FGG: variants seen among roughly 807,000 people sequenced by gnomAD.
FGG encodes the protein fibrinogen gamma chain.
A neutral mutation model predicts 51.7 loss-of-function variants in FGG; 20 were observed. That is an observed-to-expected ratio of 0.39 (90% CI 0.27 to 0.56). FGG has a LOEUF of 0.56. Among genes scored for constraint, FGG ranks in the 20% least tolerant of loss-of-function variants. The pLI is 0.64. For synonymous variants in FGG, 184 were observed against 184.7 expected (o/e 1.00, Z 0.03); for missense variants, 460 against 534.2 (o/e 0.86, Z 1.37).
Position 154,612,523 on chromosome 4 carries a change from C to T in FGG, c.78+9G>A, listed in dbSNP as rs2066857. ...ATTTTAAACAACGTTTTGTGAAGAG[C>T]ACACTTACTGCTACACATGTTGAAG... is the stretch of plus-strand genomic sequence containing the variant. On this transcript the variant is annotated intron_variant, in intron 1 of 8. Transcript: ENST00000336098. 5.0e-3 allele frequency: 8,097 copies of T among 1,613,796 alleles called. 29 individuals are homozygous for T. The highest frequency in any genetic ancestry group is 6.2e-3 in the Non-Finnish European group (7,282 of 1,179,704).
Position 154,612,156 on chromosome 4 carries a change from T to C in FGG, c.169A>G (p.Thr57Ala). The change falls in exon 3 of 9, where the codon ACT becomes GCT. Residue 57 changes from threonine to alanine, a missense_variant. Around this residue, in one of 3 missense-constraint regions of FGG, gnomAD observed 353 missense variants for 391.7 expected, o/e 0.90. Transcript: ENST00000336098. ...TCCTTGTCTACTTTGGTTTGATAAG[T>C]AGACAGGAAATCTGCAATGCCACAG... The part of the protein sequence containing the change: ...TTCGIADFLS[T>A]YQTKVDKDLQ... The C allele has an allele frequency of 6.2e-7, 1 of 1,611,584 alleles. No homozygotes were observed. The highest frequency in any genetic ancestry group is 8.5e-7 in the Non-Finnish European group (1 of 1,178,938).
In FGG at chr4:154,608,499, C is replaced by A; in HGVS notation, c.818G>T (p.Arg273Ile). 1 of 1,613,674 alleles carries A rather than the reference C, an allele frequency of 6.2e-7. No individual in the cohort carries two copies. The highest frequency in any genetic ancestry group is 8.5e-7 in the Non-Finnish European group (1 of 1,179,802). ...GCCATTCCAGTCTTCCAGTTCCACT[C>A]TTAATGCATATGGGATGGCAGACTG... ...STQSAIPYAL[R>I]VELEDWNGRT... is the part of the protein sequence containing the mutation. Residue 273 changes from arginine to isoleucine, a missense_variant, in exon 7 of 9, where the codon AGA (arginine) becomes ATA (isoleucine). By Grantham distance (97) the Arg-to-Ile change is moderately conservative (BLOSUM62 -3). Around this residue, in one of 3 missense-constraint regions of FGG, gnomAD observed 353 missense variants for 391.7 expected, o/e 0.90. Coordinates refer to ENST00000336098, the MANE Select transcript of FGG (RefSeq NM_021870.3).
At chr4:154,609,804 A>G (rs776233235) in intron 5 of FGG, 41 bp from the exon 6 acceptor site, 4 of 1,613,892 alleles carry the variant, frequency 2.5e-6, no homozygotes, top group East Asian at 4.5e-5. Flanking sequence ...TTTGAAATGC[A>G]GGTAAGACTG....
At position 154,606,874 on chromosome 4, in the gene FGG, A is replaced by C. The variant is rs549160657; in HGVS notation, c.960T>G (p.Asp320Glu). 4 of 1,613,958 alleles carry C rather than the reference A, an allele frequency of 2.5e-6. No homozygotes were observed. The African/African-American group carries it at 5.3e-5, about 22-fold the overall frequency. ...ACTTGTCACTAGGATCATCGCCAAA[A>C]TCAAAGCCATCAAAGGCATCTCCAG... ...GDAGDAFDGFDFGDDPSDKFF... is the reference protein window; with the variant it reads ...GDAGDAFDGFEFGDDPSDKFF... Residue 320 changes from aspartate to glutamate, a missense_variant, in exon 8 of 9, where the codon GAT becomes GAG. Physicochemically the swap from Asp to Glu is conservative, Grantham distance 45. Around this residue, in one of 3 missense-constraint regions of FGG, gnomAD observed 353 missense variants for 391.7 expected, o/e 0.90. Coordinates refer to ENST00000336098, the MANE Select transcript of FGG (RefSeq NM_021870.3).
At chr4:154,609,791 T>C (rs1348781739) in intron 5 of FGG, 28 bp from the exon 6 acceptor site, 2 of 1,613,996 alleles carry the variant, frequency 1.2e-6, no homozygotes, top group East Asian at 2.2e-5. Context: ...ACTTTTACTG[T>C]GGTTTGAAAT....
rs1436247504 is a variant in FGG at position 154,604,245 on chromosome 4, A to C, written c.*589T>G. On this transcript the variant is annotated 3_prime_UTR_variant, in exon 9 of 9. Transcript: ENST00000336098. ...GGTCTTTTGCTCTTAAAATGAAGTG[A>C]AGCTTTGCAAGTCCATTGTCCAATA... 1.3e-5 allele frequency: 13 copies of C among 975,714 alleles called. No homozygotes were observed. The highest frequency in any genetic ancestry group is 1.6e-5 in the Non-Finnish European group (11 of 681,346). The allele number at this position is 975,714 out of a possible 1,614,324, so 60.4% of individuals were successfully genotyped here.
At chr4:154,611,747 G>T in intron 4 of FGG, 58 bp downstream of exon 4, 3 of 1,134,008 alleles carry the variant, frequency 2.6e-6, no homozygotes, top group Non-Finnish European at 2.6e-6. Context: ...CTCAAGTATA[G>T]AATATTAAAT....
At chr4:154,611,944 C>T (rs773473024) in intron 3 of FGG, 46 bp from the exon 4 acceptor site, 2 of 1,602,510 alleles carry the variant, frequency 1.2e-6, no homozygotes, top group South Asian at 2.2e-5. Flanking sequence ...GCAAATAGAA[C>T]AACTAAAACA....
chr4:154,604,355 C>A lies in FGG; in HGVS notation c.*479G>T. The A allele has an allele frequency of 3.3e-6, 5 of 1,506,306 alleles. No homozygotes were observed. The highest frequency in any genetic ancestry group is 4.4e-6 in the Non-Finnish European group (5 of 1,131,210). 93.3% of individuals were successfully genotyped at this position (1,506,306 alleles called of 1,614,324 possible). A position where few individuals can be genotyped will look rare whatever the true frequency, so the allele number is the denominator to read the frequency against. ...AAACGGTCTTTTAAACGTCTCCAGC[C>A]TGTGAATATATAACAAAACAAAAAC... On this transcript the variant is annotated 3_prime_UTR_variant, in exon 9 of 9. Coordinates refer to ENST00000336098, the MANE Select transcript of FGG (RefSeq NM_021870.3).
At position 154,604,410 on chromosome 4, in the gene FGG, T is replaced by G; in HGVS notation, c.*424A>C. 7.1e-7 allele frequency: 1 copy of G among 1,401,582 alleles called. No individual in the cohort carries two copies. The highest frequency in any genetic ancestry group is 9.5e-7 in the Non-Finnish European group (1 of 1,047,670). 86.8% of individuals were successfully genotyped at this position (1,401,582 alleles called of 1,614,324 possible). ...TTAAAAAGACATAATTTTCTCCATT[T>G]AAAAAGAAGAATTAAATAGGAATGA... On this transcript the variant is annotated 3_prime_UTR_variant, in exon 9 of 9. Transcript: ENST00000336098.
rs1731065392 is a variant in FGG at position 154,604,758 on chromosome 4, A to G, written c.*76T>C. The G allele has an allele frequency of 1.9e-6, 3 of 1,601,002 alleles. No homozygotes were observed. In the East Asian group the frequency reaches 6.7e-5, roughly 36 times the overall value. On this transcript the variant is annotated 3_prime_UTR_variant, in exon 9 of 9. Coordinates refer to ENST00000336098, the MANE Select transcript of FGG (RefSeq NM_021870.3). The stretch of plus-strand genomic sequence containing the variant: ...TAGAAGACTTGAAATCAATAAATAT[A>G]GTAAGAGAAAAAAGGAAGAAACTTT...
chr4:154,606,532 T>A (rs540805015), intron 8 of FGG, among the ~76,000 whole-genome samples, 173 bp downstream of exon 8: 1 of 152,332 alleles, frequency 6.6e-6, no homozygotes, highest in Non-Finnish European at 1.5e-5. Context: ...ATTTTAGGCA[T>A]GAACTTGGTA....
Position 154,610,197 on chromosome 4 carries a change from T to C in FGG, c.402A>G (p.Arg134=), listed in dbSNP as rs1217020810. The change falls in exon 5 of 9, where the codon CGA becomes CGG. Residue 134 remains arginine, a splice_region_variant and synonymous_variant. Coordinates refer to ENST00000336098, the MANE Select transcript of FGG (RefSeq NM_021870.3). ...ASILTHDSSI[R]YLQEIYNSNN... is the part of the protein sequence containing the mutation. ...TTGAATTATATATTTCCTGCAAATA[T>C]CTACAAACAGAAACATAAGATAACA... 1 of 1,562,266 alleles carries C rather than the reference T, an allele frequency of 6.4e-7. No individual in the cohort carries two copies. Among genetic ancestry groups the C allele is most frequent in the South Asian group, 1.1e-5 (1 of 89,954 alleles).
chr4:154,610,234 A>G (rs1172291682), intron 4 of FGG, 37 bp from the exon 5 acceptor site: 1 of 1,489,658 alleles, frequency 6.7e-7, no homozygotes, highest in South Asian at 1.1e-5. Context: ...AAATAAGAAG[A>G]CAAAAATAAG....
At position 154,604,365 on chromosome 4, in the gene FGG, A is replaced by G. The variant is rs1731056840; in HGVS notation, c.*469T>C. 6.7e-7 allele frequency: 1 copy of G among 1,498,278 alleles called. No homozygotes were observed. Among genetic ancestry groups the G allele is most frequent in the Non-Finnish European group, 8.9e-7 (1 of 1,128,422 alleles). 92.8% of individuals were successfully genotyped at this position (1,498,278 alleles called of 1,614,324 possible). On this transcript the variant is annotated 3_prime_UTR_variant, in exon 9 of 9. Coordinates refer to ENST00000336098, the MANE Select transcript of FGG (RefSeq NM_021870.3). Reference sequence around the variant, plus strand: ...TTAAACGTCTCCAGCCTGTGAATATATAACAAAACAAAAACCATATTAAAA... The same window carrying G: ...TTAAACGTCTCCAGCCTGTGAATATGTAACAAAACAAAAACCATATTAAAA...
rs1222284915 is a variant in FGG, at chr4:154,609,638, A to G, written c.658T>C (p.Phe220Leu). Residue 220 changes from phenylalanine (F) to leucine (L), a missense_variant, in exon 6 of 9, where the codon TTT (phenylalanine) becomes CTT (leucine). Physicochemically the swap from Phe to Leu is conservative, Grantham distance 22. Transcript: ENST00000336098. Reference protein sequence around the residue: ...IDGSGNGWTVFQKRLDGSVDF... With the variant: ...IDGSGNGWTVLQKRLDGSVDF... Reference sequence around the variant, plus strand: ...GGTGGGGAAAAAATTACCTTCTGAAACACAGTCCATCCATTTCCAGACCCA... The same window carrying G: ...GGTGGGGAAAAAATTACCTTCTGAAGCACAGTCCATCCATTTCCAGACCCA... 1 of 1,613,788 alleles carries G rather than the reference A, an allele frequency of 6.2e-7. No homozygotes were observed.
Position 154,604,925 on chromosome 4 carries a change from T to C in FGG, c.1271A>G (p.Gln424Arg). ...PFNRLTIGEG[Q>R]QHHLGGAKQV... ...TTTGGCTCCCCCCAGGTGGTGTTGC[T>C]GTCCTTCTCCAATTGTGAGTCTGTT... is the stretch of plus-strand genomic sequence containing the variant. The change falls in exon 9 of 9, where the codon CAG becomes CGG. Residue 424 changes from glutamine (Q) to arginine (R), a missense_variant. Physicochemically the swap from Gln to Arg is conservative, Grantham distance 43. This residue lies in a region of FGG where 92 missense variants were observed against 93.7 expected (regional missense o/e 0.98). Transcript: ENST00000336098. The C allele has an allele frequency of 1.2e-6, 2 of 1,614,142 alleles. No individual in the cohort carries two copies. Among genetic ancestry groups the C allele is most frequent in the Non-Finnish European group, 1.7e-6 (2 of 1,179,976 alleles).
intron 7 of FGG, among the ~76,000 whole-genome samples, chr4:154,607,430 A>C (rs879933490): frequency 6.6e-6 from 1 of 152,224 alleles, no homozygotes; most frequent in Non-Finnish European, 1.5e-5. Context: ...AGCCACTCAT[A>C]GCACCTGAAG....
rs141651129 is a variant in FGG at position 154,609,806 on chromosome 4, G to A, written c.533-43C>T. Reference sequence around the variant, plus strand: ...ACTTTTACTGTGGTTTGAAATGCAGGTAAGACTGTGCCAGCCTTGAAAAAT... The same window carrying A: ...ACTTTTACTGTGGTTTGAAATGCAGATAAGACTGTGCCAGCCTTGAAAAAT... On this transcript the variant is annotated intron_variant, in intron 5 of 8. Transcript: ENST00000336098. 8,468 of 1,613,756 alleles carry A rather than the reference G, an allele frequency of 5.2e-3. 107 individuals carry two copies. Among genetic ancestry groups the A allele is most frequent in the Admixed American group, 0.042 (2,514 of 59,978 alleles).
Sources: allele counts gnomAD v4.1 joint callset (sites outside exome capture counted in the v4.1 genomes callset), GRCh38; gene constraint gnomAD v4.1.1; regional missense constraint gnomAD v4.1.1; transcripts MANE v1.5; gene names NCBI Gene and HGNC (gene_info 2026-07-23, HGNC 2026-07-21).